RFX2: variants seen among roughly 807,000 people sequenced by gnomAD.
RFX2 encodes the protein DNA-binding protein RFX2.
RFX2 carries 20 observed loss-of-function variants against 87.8 expected under a neutral mutation model. That is an observed-to-expected ratio of 0.23 (90% CI 0.16 to 0.33). The LOEUF is 0.33. Among genes scored for constraint, RFX2 ranks in the 10% least tolerant of loss-of-function variants. The pLI, the probability that RFX2 is intolerant of heterozygous loss-of-function variation, is 1.00. For missense variants in RFX2, 767 were observed against 1,012.3 expected (o/e 0.76, Z 3.29); for synonymous variants, 397 against 431.3 (o/e 0.92, Z 0.98).
intron 6 of RFX2, among the ~76,000 whole-genome samples, chr19:6,018,768 C>T (rs1248807679): frequency 1.3e-5 from 2 of 152,218 alleles, no homozygotes; most frequent in African/African-American, 2.4e-5. Context: ...TCCAACCTCA[C>T]GTCCTGCCTC....
rs1389458410 is a variant in RFX2, at chr19:6,022,298, G to A, written c.597+3865C>T. Among the ~76,000 whole-genome samples, 1 of 152,198 alleles carries A rather than the reference G, an allele frequency of 6.6e-6. No homozygotes were observed. The highest frequency in any genetic ancestry group is 1.5e-5 in the Non-Finnish European group (1 of 68,026). On this transcript the variant is annotated intron_variant, in intron 6 of 17. Transcript: ENST00000303657. This position sits in a 1 kb window ranked among gnomAD's most constrained non-coding sequence, Gnocchi z 6.2. Reference sequence around the variant, plus strand: ...CCCACTGTGGCCTGCAGGACAGCACGGCCATCGTGCCAGGCTACACAGGTC... The same window carrying A: ...CCCACTGTGGCCTGCAGGACAGCACAGCCATCGTGCCAGGCTACACAGGTC...
intron 1 of RFX2, among the ~76,000 whole-genome samples, chr19:6,062,030 C>T (rs2087441250): frequency 6.6e-6 from 1 of 152,042 alleles, no homozygotes; most frequent in Non-Finnish European, 1.5e-5. Context: ...GGGAAGGTGG[C>T]TGATGTCTGT....
At chr19:6,108,626 G>C (rs1253606174) in intron 1 of RFX2, among the ~76,000 whole-genome samples, 1 of 152,114 alleles carries the variant, frequency 6.6e-6, no homozygotes, top group Non-Finnish European at 1.5e-5. Context: ...AGCCTGCGCT[G>C]GTCATTTATG....
chr19:6,052,644 T>G (rs903754990), intron 1 of RFX2, among the ~76,000 whole-genome samples: 1 of 152,168 alleles, frequency 6.6e-6, no homozygotes, highest in Non-Finnish European at 1.5e-5. Flanking sequence ...TTCTGGGCCA[T>G]AAAATAAGCC....
At chr19:6,087,365 A>C (rs1394533234) in intron 1 of RFX2, among the ~76,000 whole-genome samples, 1 of 152,162 alleles carries the variant, frequency 6.6e-6, no homozygotes, top group Non-Finnish European at 1.5e-5. Context: ...TTCAAAGAAC[A>C]CTTAGGAGAT....
In RFX2 at chr19:6,010,039, G is replaced by T; in HGVS notation, c.1015+97C>A. 1 of 644,618 alleles carries T rather than the reference G, an allele frequency of 1.6e-6. No homozygotes were observed. The highest frequency in any genetic ancestry group is 2.6e-6 in the Non-Finnish European group (1 of 387,790). 39.9% of individuals were successfully genotyped at this position (644,618 alleles called of 1,614,324 possible). On this transcript the variant is annotated intron_variant, in intron 9 of 17. Transcript: ENST00000303657. This position sits in a 1 kb window ranked among gnomAD's most constrained non-coding sequence, Gnocchi z 5.0. Reference sequence around the variant, plus strand: ...GTGTCTCGTAAGAAAACTGTCGGAAGCAGACGCTTAGACACCACTGGTTCT... The same window carrying T: ...GTGTCTCGTAAGAAAACTGTCGGAATCAGACGCTTAGACACCACTGGTTCT...
chr19:6,079,980 T>TA (rs79133952), intron 1 of RFX2, among the ~76,000 whole-genome samples: 3,405 of 139,806 alleles, frequency 0.024, 119 homozygotes, highest in African/African-American at 0.081. Flanking sequence ...AAATATAAAT[T>TA]AAAAAAAAAA....
Position 6,007,271 on chromosome 19 carries a change from G to A in RFX2, c.1248-105C>T, listed in dbSNP as rs2086596316. ...GGCTGCGGGACTTTTGCCCAACAGT[G>A]GGGCTGGGGTTTTGCTCCCCATCCC... On this transcript the variant is annotated intron_variant, in intron 11 of 17. Transcript: ENST00000303657. This position sits in a 1 kb window ranked among gnomAD's most constrained non-coding sequence, Gnocchi z 8.2. 4.9e-6 allele frequency: 6 copies of A among 1,225,488 alleles called. No individual in the cohort carries two copies. Among genetic ancestry groups the A allele is most frequent in the Non-Finnish European group, 6.9e-6 (6 of 874,012 alleles). 75.9% of individuals were successfully genotyped at this position (1,225,488 alleles called of 1,614,324 possible). A position where few individuals can be genotyped will look rare whatever the true frequency, so the allele number is the denominator to read the frequency against.
chr19:6,015,520 GC>G (rs1445809215), intron 7 of RFX2, among the ~76,000 whole-genome samples: 1 of 151,000 alleles, frequency 6.6e-6, no homozygotes, highest in African/African-American at 2.4e-5. Context: ...ACAGGGTCTT[GC>G]TCTGTCACCC....
At chr19:6,014,043 G>A (rs927987729) in intron 7 of RFX2, among the ~76,000 whole-genome samples, 4 of 151,988 alleles carry the variant, frequency 2.6e-5, no homozygotes, top group Non-Finnish European at 5.9e-5. Context: ...AGTTTATTAC[G>A]GGAGAATGAT....
rs1488349922 is a variant in RFX2, at chr19:6,065,747, G to A, written c.-8-18243C>T. Among the ~76,000 whole-genome samples, 4 of 152,080 alleles carry A rather than the reference G, an allele frequency of 2.6e-5. No homozygotes were observed. In the South Asian group the frequency reaches 8.3e-4, roughly 32 times the overall value. On this transcript the variant is annotated intron_variant, in intron 1 of 17. Transcript: ENST00000303657. ...CAAACGTGCAATGAACATTTTCTTGGGGGCATTCAGCAACAAAGTGAATCG... is the reference window on the plus strand; with the variant it reads ...CAAACGTGCAATGAACATTTTCTTGAGGGCATTCAGCAACAAAGTGAATCG...
At chr19:6,106,619 GAGACAGGCCCAC>G (rs2088221236) in intron 1 of RFX2, among the ~76,000 whole-genome samples, 3 of 152,118 alleles carry the variant, frequency 2.0e-5, no homozygotes, top group African/African-American at 7.2e-5. Flanking sequence ...CATAGTTTCA[GAGACAGGCCCAC>G]AGACTCGCAT....
Position 6,035,850 on chromosome 19 carries a change from G to GGTGTGT in RFX2, c.522+4124_522+4129dup, listed in dbSNP as rs34008943. 4.6e-3 allele frequency among the ~76,000 whole-genome samples: 625 copies of GGTGTGT among 137,232 alleles called. 5 individuals carry two copies. Among genetic ancestry groups the GGTGTGT allele is most frequent in the South Asian group, 0.025 (112 of 4,424 alleles). The allele number at this position is 137,232 out of a possible 152,430, so 90.0% of individuals were successfully genotyped here. Reference sequence around the variant, plus strand: ...ATGACTCCCCCAGAGCTTGGTGGGGGGTGTGTGTGTGTGTGTGTGTGTGTG... The same window carrying GGTGTGT: ...ATGACTCCCCCAGAGCTTGGTGGGGGGTGTGTGTGTGTGTGTGTGTGTGTGTGTGTG... On this transcript the variant is annotated intron_variant, in intron 5 of 17. Transcript: ENST00000303657.
chr19:6,045,010 G>A lies in RFX2; in HGVS notation c.91-728C>T, dbSNP rs539513670. ...TCAAAGTGAACTCGAGTCGAGGGAG[G>A]AACAGGAGTGTTTTGTGTGTTTATT... On this transcript the variant is annotated intron_variant, in intron 2 of 17. Transcript: ENST00000303657. This position sits in a 1 kb window ranked among gnomAD's most constrained non-coding sequence, Gnocchi z 5.2. Among the ~76,000 whole-genome samples, 1 of 152,324 alleles carries A rather than the reference G, an allele frequency of 6.6e-6. No individual in the cohort carries two copies. The highest frequency in any genetic ancestry group is 2.1e-4 in the South Asian group (1 of 4,820).
chr19:6,075,297 G>A (rs1479780300), intron 1 of RFX2, among the ~76,000 whole-genome samples: 2 of 152,164 alleles, frequency 1.3e-5, no homozygotes, highest in African/African-American at 4.8e-5. Flanking sequence ...AGGAGGAGGA[G>A]AAGATGGACT....
At chr19:6,102,533 A>G (rs968241938) in intron 1 of RFX2, among the ~76,000 whole-genome samples, 1 of 152,234 alleles carries the variant, frequency 6.6e-6, no homozygotes, top group African/African-American at 2.4e-5. Flanking sequence ...TACTTCGAAT[A>G]GCATCCAAAC....
In RFX2 at chr19:6,002,220, T is replaced by G. The variant is rs912765553; in HGVS notation, c.1651-197A>C. ...AGAGCTGAGGGGGATCGTACCCGGC[T>G]TCCGGGGACTCATACCCAGGTCTTT... On this transcript the variant is annotated intron_variant, in intron 14 of 17. Coordinates refer to ENST00000303657, the MANE Select transcript of RFX2 (RefSeq NM_000635.4). This position sits in a 1 kb window ranked among gnomAD's most constrained non-coding sequence, Gnocchi z 6.7. 1.3e-5 allele frequency among the ~76,000 whole-genome samples: 2 copies of G among 152,266 alleles called. No individual in the cohort carries two copies. Among genetic ancestry groups the G allele is most frequent in the African/African-American group, 4.8e-5 (2 of 41,476 alleles).
At position 6,102,502 on chromosome 19, in the gene RFX2, C is replaced by T. The variant is rs982776206; in HGVS notation, c.-9+7891G>A. Among the ~76,000 whole-genome samples the T allele has an allele frequency of 5.3e-5, 8 of 152,342 alleles. 1 individual carries two copies. The highest frequency in any genetic ancestry group is 4.1e-4 in the South Asian group (2 of 4,828). On this transcript the variant is annotated intron_variant, in intron 1 of 17. Transcript: ENST00000303657. ...TCTGACAGGTACCGGCTGATGTGAA[C>T]TCTACCAATGATCCAGTTTATACTT...
At chr19:6,003,778 C>CAAAAAAAAAA (rs57470328) in intron 13 of RFX2, among the ~76,000 whole-genome samples, 2 of 42,008 alleles carry the variant, frequency 4.8e-5, no homozygotes, top group African/African-American at 1.5e-4. Context: ...GACTCTGTCT[C>CAAAAAAAAAA]AAAAAAAAAA....
Sources: gnomAD v4.1 joint callset for allele counts (sites outside exome capture counted in the v4.1 genomes callset) on GRCh38, gnomAD v4.1.1 for gene constraint, Gnocchi (gnomAD v3.1) non-coding constraint, MANE v1.5 for transcripts, NCBI Gene and HGNC (gene_info 2026-07-23, HGNC 2026-07-21) for gene names.